DAP3: variants seen among roughly 807,000 people sequenced by gnomAD.
DAP3 encodes the protein death associated protein 3.
In DAP3, 28 loss-of-function variants were observed where a neutral mutation model predicts 51.9. That is an observed-to-expected ratio of 0.54 (90% CI 0.40 to 0.74). The LOEUF (loss-of-function observed/expected upper bound fraction) is 0.74, where lower values mean the gene tolerates loss of function less well. Ranked by LOEUF, DAP3 falls within the 30% of genes least tolerant of loss-of-function variation. DAP3 has a pLI of 0.00. For missense variants in DAP3, 458 were observed against 483.5 expected, an observed-to-expected ratio of 0.95 and a Z score of 0.49; for synonymous variants, 170 against 170.3, an observed-to-expected ratio of 1.00 and a Z score of 0.01.
At position 155,702,151 on chromosome 1, in the gene DAP3, T is replaced by TAA. The variant is rs71080722; in HGVS notation, c.-7-7604_-7-7603dup. ...AAATTAAAAAAATTGATTCTGCCTATAAAAAAAAAAAAAAAAAAAGAAAAT... is the reference window on the plus strand; with the variant it reads ...AAATTAAAAAAATTGATTCTGCCTATAAAAAAAAAAAAAAAAAAAAAGAAAAT... On this transcript the variant is annotated intron_variant, in intron 1 of 12. Transcript: ENST00000368336. Among the ~76,000 whole-genome samples the TAA allele has an allele frequency of 6.7e-3, 679 of 101,524 alleles. 3 individuals carry two copies. Among genetic ancestry groups the TAA allele is most frequent in the East Asian group, 0.027 (117 of 4,278 alleles). The allele number at this position is 101,524 out of a possible 152,430, so 66.6% of individuals were successfully genotyped here. A position where few individuals can be genotyped will look rare whatever the true frequency, so the allele number is the denominator to read the frequency against.
intron 7 of DAP3, among the ~76,000 whole-genome samples, 180 bp downstream of exon 7, chr1:155,727,918 A>C (rs1658788428): frequency 6.6e-6 from 1 of 152,104 alleles, no homozygotes; most frequent in Non-Finnish European, 1.5e-5. Context: ...TCCATGTGAA[A>C]TAAATAGGCA....
chr1:155,737,063 G>A lies in DAP3; in HGVS notation c.1111G>A (p.Ala371Thr). 6.2e-7 allele frequency: 1 copy of A among 1,605,696 alleles called. No homozygotes were observed. Among genetic ancestry groups the A allele is most frequent in the Non-Finnish European group, 8.5e-7 (1 of 1,172,628 alleles). ...AAACAATTGGCTTCAACATGAGAAA[G>A]GTCCATCATTTAGTTTTTTCCTATC... is the stretch of plus-strand genomic sequence containing the variant. The part of the protein sequence containing the change: ...LENNWLQHEK[A>T]PTEEGKKELL... The change falls in exon 12 of 13, where the codon GCT (alanine) becomes ACT (threonine). Residue 371 changes from alanine (A) to threonine (T), a missense_variant and splice_region_variant. Ala to Thr is a moderately conservative substitution (Grantham distance 58). Transcript: ENST00000368336.
intron 1 of DAP3, among the ~76,000 whole-genome samples, chr1:155,703,751 A>G (rs532134088): frequency 6.6e-6 from 1 of 152,246 alleles, no homozygotes; most frequent in African/African-American, 2.4e-5. Context: ...GTTAGCCAGG[A>G]TGGTCTCGAT....
At chr1:155,689,026 G>T, upstream of DAP3, 1 of 1,580,096 alleles carries the variant, frequency 6.3e-7, no homozygotes, top group South Asian at 1.1e-5. Context: ...TCTGCCGGCC[G>T]GTGGTTGGAG....
intron 4 of DAP3, among the ~76,000 whole-genome samples, chr1:155,722,192 G>T (rs1658092483): frequency 6.6e-6 from 1 of 152,132 alleles, no homozygotes; most frequent in African/African-American, 2.4e-5. Flanking sequence ...GATCACTTGG[G>T]CCCAGGAGTT....
At chr1:155,729,504 G>A (rs893485569) in intron 9 of DAP3, 138 bp downstream of exon 9, 5 of 1,210,274 alleles carry the variant, frequency 4.1e-6, no homozygotes, top group East Asian at 2.5e-5. Context: ...AAAGAGCTGG[G>A]TGCAGTGGCT....
Position 155,738,355 on chromosome 1 carries a change from G to A in DAP3, c.*113G>A. 1 of 1,122,038 alleles carries A rather than the reference G, an allele frequency of 8.9e-7. No individual in the cohort carries two copies. The highest frequency in any genetic ancestry group is 1.3e-6 in the Non-Finnish European group (1 of 780,124). The allele number at this position is 1,122,038 out of a possible 1,614,324, so 69.5% of individuals were successfully genotyped here. On this transcript the variant is annotated 3_prime_UTR_variant, in exon 13 of 13. Transcript: ENST00000368336. ...GAGGAGCCAGGCCCTTGTACCTATGGGATTGGACAGGACTGCAGTTGGCTC... is the reference window on the plus strand; with the variant it reads ...GAGGAGCCAGGCCCTTGTACCTATGAGATTGGACAGGACTGCAGTTGGCTC...
chr1:155,736,922 T>C, intron 11 of DAP3, 24 bp from the exon 12 acceptor site: 1 of 1,569,792 alleles, frequency 6.4e-7, no homozygotes, highest in Non-Finnish European at 8.8e-7. Context: ...ACTAACATGT[T>C]TCCTGATCCT....
chr1:155,703,704 A>G (rs1655607016), intron 1 of DAP3, among the ~76,000 whole-genome samples: 1 of 151,988 alleles, frequency 6.6e-6, no homozygotes, highest in Non-Finnish European at 1.5e-5. Context: ...CACCCAGCTA[A>G]TTTTTTGTAT....
In DAP3 at chr1:155,711,417, C is replaced by G. The variant is rs970793806; in HGVS notation, c.45+1593C>G. On this transcript the variant is annotated intron_variant, in intron 2 of 12. Transcript: ENST00000368336. ...CTGAGGTAAGAGAATCGCTTGAACC[C>G]AAGAGGTAGAGGTTGCAGTGAGCCA... Among the ~76,000 whole-genome samples the G allele has an allele frequency of 5.3e-5, 8 of 151,944 alleles. 1 individual carries two copies. Among genetic ancestry groups the G allele is most frequent in the African/African-American group, 1.9e-4 (8 of 41,366 alleles).
At chr1:155,703,288 A>G (rs559184111) in intron 1 of DAP3, among the ~76,000 whole-genome samples, 53 of 152,356 alleles carry the variant, frequency 3.5e-4, no homozygotes, top group Non-Finnish European at 5.1e-4. Flanking sequence ...CAATCATGGC[A>G]GAAGGCAACA....
At position 155,690,369 on chromosome 1, in the gene DAP3, C is replaced by T. The variant is rs150582175; in HGVS notation, c.-8+1195C>T. ...GAGTTCGAGACCAGCTTAGGCAACA[C>T]GGTGAAACCCCATCTCTACAAAAAG... On this transcript the variant is annotated intron_variant, in intron 1 of 12. Transcript: ENST00000368336. Among the ~76,000 whole-genome samples the T allele has an allele frequency of 1.3e-3, 188 of 140,502 alleles. 8 individuals are homozygous for T. Among genetic ancestry groups the T allele is most frequent in the South Asian group, 2.7e-3 (13 of 4,800 alleles). 92.2% of individuals were successfully genotyped at this position (140,502 alleles called of 152,430 possible). A position where few individuals can be genotyped will look rare whatever the true frequency, so the allele number is the denominator to read the frequency against.
rs775592927 is a variant in DAP3 at position 155,727,729 on chromosome 1, C to A, written c.594C>A (p.Phe198Leu). 3 of 1,613,382 alleles carry A rather than the reference C, an allele frequency of 1.9e-6. No homozygotes were observed. The Admixed American group carries it at 5.0e-5, about 27-fold the overall frequency. The change falls in exon 7 of 13, where the codon TTC becomes TTA. Residue 198 changes from phenylalanine (F) to leucine (L), a missense_variant. Transcript: ENST00000368336. ...LKNFKTTNER[F>L]LNQIKVQEKY... ...ATTTCAAAACTACAAATGAGCGCTT[C>A]CTGAACCAGGTGACTAGACTCCCAG...
chr1:155,688,030 A>T, upstream of DAP3: 1 of 1,526,872 alleles, frequency 6.5e-7, no homozygotes, highest in Non-Finnish European at 8.8e-7. Flanking sequence ...TCGCTGAGAG[A>T]GTGCTTAGGC....
chr1:155,720,192 G>A (rs1445201200), intron 3 of DAP3, among the ~76,000 whole-genome samples: 1 of 151,602 alleles, frequency 6.6e-6, no homozygotes, highest in African/African-American at 2.4e-5. Context: ...AGGTGTAGTG[G>A]TGCACACCTG....
intron 1 of DAP3, among the ~76,000 whole-genome samples, chr1:155,700,992 G>C (rs1489071507): frequency 8.6e-6 from 1 of 116,854 alleles, no homozygotes; most frequent in Non-Finnish European, 1.7e-5. Context: ...CGCCCCGTCC[G>C]GGAGGGAGGT....
chr1:155,727,619 G>A lies in DAP3; in HGVS notation c.484G>A (p.Val162Met), dbSNP rs769648994. The A allele has an allele frequency of 1.9e-6, 3 of 1,610,982 alleles. No individual in the cohort carries two copies. The highest frequency in any genetic ancestry group is 2.2e-5 in the East Asian group (1 of 44,754). The change falls in exon 7 of 13, where the codon GTG becomes ATG. Residue 162 changes from valine to methionine, a missense_variant. Val to Met is a conservative substitution (Grantham distance 21, BLOSUM62 1). Transcript: ENST00000368336. Reference protein sequence around the residue: ...ILHIPDAHLWVKNCRDLLQSS... With the variant: ...ILHIPDAHLWMKNCRDLLQSS... ...TCTTTTTTTTAAAGCTCATCTTTGG[G>A]TGAAAAATTGTCGGGATCTTCTGCA...
intron 2 of DAP3, 110 bp from the exon 3 acceptor site, chr1:155,716,896 T>A: frequency 6.9e-7 from 1 of 1,441,276 alleles, no homozygotes; most frequent in Non-Finnish European, 9.3e-7. Flanking sequence ...GTAGTGAGCC[T>A]GAGATCACGC....
chr1:155,702,336 G>C (rs1335428738), intron 1 of DAP3, among the ~76,000 whole-genome samples: 1 of 152,056 alleles, frequency 6.6e-6, no homozygotes, highest in Non-Finnish European at 1.5e-5. Context: ...AGCTGGGCAT[G>C]GTGGCGGGTG....
Sources: gnomAD v4.1 joint callset for allele counts (sites outside exome capture counted in the v4.1 genomes callset) on GRCh38, gnomAD v4.1.1 for gene constraint, MANE v1.5 for transcripts, NCBI Gene and HGNC (gene_info 2026-07-23, HGNC 2026-07-21) for gene names.